Variants in LAMB3 observed in about 807,000 individuals in gnomAD.
The protein encoded by LAMB3 is laminin subunit beta 3, also known as laminin subunit beta-3.
LAMB3 carries 104 observed loss-of-function variants against 140.3 expected under a neutral mutation model. The ratio of observed to expected loss-of-function variants is 0.74; its 90% CI spans 0.63 to 0.87. LAMB3 has a LOEUF of 0.87. Among genes scored for constraint, LAMB3 ranks in the 40% least tolerant of loss-of-function variants. The pLI, the probability that LAMB3 is intolerant of heterozygous loss-of-function variation, is 0.00. For missense variants in LAMB3, 1,531 were observed against 1,575.2 expected (o/e 0.97, Z 0.47); for synonymous variants, 592 against 602.9 (o/e 0.98, Z 0.26).
chr1:209,639,624 T>TAC (rs55827014), intron 3 of LAMB3, among the ~76,000 whole-genome samples: 2 of 151,834 alleles, frequency 1.3e-5, no homozygotes, highest in African/African-American at 4.8e-5. Flanking sequence ...CATATACACA[T>TAC]ACACACACAC....
intron 18 of LAMB3, chr1:209,618,884 G>A (rs1666088605): frequency 2.0e-5 from 12 of 593,284 alleles, no homozygotes; most frequent in Non-Finnish European, 3.3e-5. Context: ...GCTGCAGCAG[G>A]GAGGAGGAGG....
Position 209,630,631 on chromosome 1 carries a change from G to A in LAMB3, c.927C>T (p.Asp309=), listed in dbSNP as rs141059189. The change falls in exon 9 of 23, where the codon GAC becomes GAT. Residue 309 remains aspartate (D), a synonymous_variant. Transcript: ENST00000356082. ...AGCTCCTACTTTGGCATTCATGGGC[G>A]TCCTGGCCCTCCGCCGGTCTCCAGG... ...NRPWRPAEGQ[D]AHECQRCDCN... 1.7e-4 allele frequency: 268 copies of A among 1,614,148 alleles called. No individual in the cohort carries two copies. Among genetic ancestry groups the A allele is most frequent in the Middle Eastern group, 1.3e-3 (8 of 6,062 alleles).
intron 3 of LAMB3, among the ~76,000 whole-genome samples, chr1:209,638,993 G>A (rs998031389): frequency 1.3e-5 from 2 of 151,638 alleles, no homozygotes; most frequent in African/African-American, 4.8e-5. Context: ...GGGGGGCGGG[G>A]GGAGAAATTC....
At position 209,633,857 on chromosome 1, in the gene LAMB3, C is replaced by A. The variant is rs114336431; in HGVS notation, c.564+590G>T. On this transcript the variant is annotated intron_variant, in intron 6 of 22. Coordinates refer to ENST00000356082, the MANE Select transcript of LAMB3 (RefSeq NM_000228.3). ...CCTCCTCTGCCAGGGGATGGGGAAACGCAGTTATGAAAGAATTTGACCCAC... is the reference window on the plus strand; with the variant it reads ...CCTCCTCTGCCAGGGGATGGGGAAAAGCAGTTATGAAAGAATTTGACCCAC... Among the ~76,000 whole-genome samples, 711 of 152,174 alleles carry A rather than the reference C, an allele frequency of 4.7e-3. 2 individuals carry two copies. Among genetic ancestry groups the A allele is most frequent in the Non-Finnish European group, 8.0e-3 (541 of 67,994 alleles).
At position 209,627,538 on chromosome 1, in the gene LAMB3, A is replaced by G. The variant is rs199952752; in HGVS notation, c.1330T>C (p.Cys444Arg). Residue 444 changes from cysteine to arginine, a missense_variant, in exon 12 of 23, where the codon TGT becomes CGT. Transcript: ENST00000356082. Reference sequence around the variant, plus strand: ...AGGCAGCGCCCACTCTCCTCGTCACACGGCATGTCCCTCCGGGACCCCAGG... The same window carrying G: ...AGGCAGCGCCCACTCTCCTCGTCACGCGGCATGTCCCTCCGGGACCCCAGG... ...NILGSRRDMP[C>R]DEESGRCLCL... 18 of 1,614,038 alleles carry G rather than the reference A, an allele frequency of 1.1e-5. No homozygotes were observed. The highest frequency in any genetic ancestry group is 1.5e-5 in the Non-Finnish European group (18 of 1,180,006).
chr1:209,618,313 C>A, intron 19 of LAMB3, 139 bp downstream of exon 19: 1 of 948,716 alleles, frequency 1.1e-6, no homozygotes, highest in Non-Finnish European at 1.6e-6. Flanking sequence ...GCACTCTGGA[C>A]TCTGTGTACC....
Position 209,634,161 on chromosome 1 carries a change from G to A in LAMB3, c.564+286C>T, listed in dbSNP as rs12137442. On this transcript the variant is annotated intron_variant, in intron 6 of 22. Transcript: ENST00000356082. Reference sequence around the variant, plus strand: ...GGGTCGATTTCATCTTCCCACTAGAGGGATGAGCCAATGAGTCACGGGGGA... The same window carrying A: ...GGGTCGATTTCATCTTCCCACTAGAAGGATGAGCCAATGAGTCACGGGGGA... 0.16 allele frequency among the ~76,000 whole-genome samples: 23,815 copies of A among 152,146 alleles called. 1,990 individuals carry two copies. Among genetic ancestry groups the A allele is most frequent in the African/African-American group, 0.2 (8,221 of 41,476 alleles).
chr1:209,646,259 A>G lies in LAMB3; in HGVS notation c.183+3705T>C, dbSNP rs145441639. Among the ~76,000 whole-genome samples the G allele has an allele frequency of 3.8e-3, 581 of 152,318 alleles. 2 individuals carry two copies. Among genetic ancestry groups the G allele is most frequent in the African/African-American group, 0.013 (542 of 41,576 alleles). ...GTCATCCCAGAGATGACCGAAGGGCATGGTGCAGCCCCTGCCTTCACACGC... is the reference window on the plus strand; with the variant it reads ...GTCATCCCAGAGATGACCGAAGGGCGTGGTGCAGCCCCTGCCTTCACACGC... On this transcript the variant is annotated intron_variant, in intron 3 of 22. Coordinates refer to ENST00000356082, the MANE Select transcript of LAMB3 (RefSeq NM_000228.3).
In LAMB3 at chr1:209,615,086, G is replaced by A; in HGVS notation, c.*185C>T. The A allele has an allele frequency of 1.6e-6, 1 of 641,472 alleles. No individual in the cohort carries two copies. The highest frequency in any genetic ancestry group is 2.8e-5 in the East Asian group (1 of 35,788). 39.7% of individuals were successfully genotyped at this position (641,472 alleles called of 1,614,324 possible). On this transcript the variant is annotated 3_prime_UTR_variant, in exon 23 of 23. Coordinates refer to ENST00000356082, the MANE Select transcript of LAMB3 (RefSeq NM_000228.3). ...CCATCTTTGTCTGTCAAGTGTAACT[G>A]TCCCATTGGCTCAGGCTCAGCTGCA... is the stretch of plus-strand genomic sequence containing the variant.
Position 209,616,531 on chromosome 1 carries a change from C to G in LAMB3, c.3322G>C (p.Val1108Leu), listed in dbSNP as rs1239917006. The stretch of plus-strand genomic sequence containing the variant: ...AACAGCTCCTCTGCCTCTGTCTTCA[C>G]ACTCTGGATCCGGGCACCCTGCTCA... ...LGEQGARIQS[V>L]KTEAEELFGE... The change falls in exon 22 of 23, where the codon GTG becomes CTG. Residue 1108 changes from valine (V) to leucine (L), a missense_variant. Transcript: ENST00000356082. The G allele has an allele frequency of 6.2e-7, 1 of 1,614,080 alleles. No homozygotes were observed. The highest frequency in any genetic ancestry group is 8.5e-7 in the Non-Finnish European group (1 of 1,180,034).
At chr1:209,644,336 G>T (rs1249312036) in intron 3 of LAMB3, among the ~76,000 whole-genome samples, 1 of 152,176 alleles carries the variant, frequency 6.6e-6, no homozygotes, top group African/African-American at 2.4e-5. Context: ...ACTCTCTGAA[G>T]CTGATTATAG....
At position 209,625,821 on chromosome 1, in the gene LAMB3, T is replaced by C. The variant is rs2102420427; in HGVS notation, c.1803A>G (p.Arg601=). 6.2e-7 allele frequency: 1 copy of C among 1,613,824 alleles called. No homozygotes were observed. The highest frequency in any genetic ancestry group is 8.5e-7 in the Non-Finnish European group (1 of 1,179,966). ...DLREQALRFG[R]LRNATASLWS... ...ACAGGCTGGCGGTGGCATTGCGGAGTCTACCAAAGCGCAGGGCCTGCTCCC... is the reference window on the plus strand; with the variant it reads ...ACAGGCTGGCGGTGGCATTGCGGAGCCTACCAAAGCGCAGGGCCTGCTCCC... Residue 601 remains arginine (R), a synonymous_variant, in exon 14 of 23, where the codon AGA becomes AGG. Transcript: ENST00000356082.
intron 3 of LAMB3, among the ~76,000 whole-genome samples, chr1:209,648,619 C>T (rs2076537876): frequency 6.6e-6 from 1 of 152,106 alleles, no homozygotes; most frequent in Non-Finnish European, 1.5e-5. Context: ...GAGGGCAGGC[C>T]AGTGTTAAGC....
chr1:209,634,602 A>T lies in LAMB3; in HGVS notation c.409T>A (p.Ser137Thr), dbSNP rs780249357. ...ACTCGCCAGGTCTTACCGAAGTCTG[A>T]GGAGCGCTCAATCAGCATGCCGGCG... ...MPAGMLIERSSDFGKTWRVYQ... is the reference protein window; with the variant it reads ...MPAGMLIERSTDFGKTWRVYQ... Residue 137 changes from serine to threonine, a missense_variant, in exon 6 of 23, where the codon TCA becomes ACA. By Grantham distance (58) the Ser-to-Thr change is moderately conservative (BLOSUM62 1). Coordinates refer to ENST00000356082, the MANE Select transcript of LAMB3 (RefSeq NM_000228.3). 9 of 1,614,014 alleles carry T rather than the reference A, an allele frequency of 5.6e-6. No homozygotes were observed. In the Admixed American group the frequency reaches 1.5e-4, roughly 27 times the overall value.
rs1301959165 is a variant in LAMB3 at position 209,627,034 on chromosome 1, GGT to G, written c.1486-58_1486-57del. ...TGCCTCACAGCCTCTGCCTTACCCT[GGT>G]GTCAGGGACTGTGTCCTAGATTCCT... On this transcript the variant is annotated intron_variant, in intron 12 of 22. Transcript: ENST00000356082. The G allele has an allele frequency of 1.8e-5, 23 of 1,270,204 alleles. No individual in the cohort carries two copies. The Admixed American group carries it at 4.3e-4, about 24-fold the overall frequency. The allele number at this position is 1,270,204 out of a possible 1,614,324, so 78.7% of individuals were successfully genotyped here. A position where few individuals can be genotyped will look rare whatever the true frequency, so the allele number is the denominator to read the frequency against.
At position 209,623,754 on chromosome 1, in the gene LAMB3, T is replaced by C. The variant is rs374000444; in HGVS notation, c.2138-29A>G. The C allele has an allele frequency of 1.2e-6, 2 of 1,613,676 alleles. No individual in the cohort carries two copies. The highest frequency in any genetic ancestry group is 1.3e-5 in the African/African-American group (1 of 75,034). ...TGGCGAGAAGCATGAGGAATGGAGA[T>C]GGAGGAGGAGCAGGAGGGAGAGGGG... On this transcript the variant is annotated intron_variant, in intron 15 of 22. Coordinates refer to ENST00000356082, the MANE Select transcript of LAMB3 (RefSeq NM_000228.3). The surrounding 1 kb of genome is among the most constrained non-coding windows in gnomAD (Gnocchi z 4.2).
At chr1:209,641,554 T>C (rs1221152142) in intron 3 of LAMB3, among the ~76,000 whole-genome samples, 1 of 152,118 alleles carries the variant, frequency 6.6e-6, no homozygotes, top group Non-Finnish European at 1.5e-5. Context: ...GGCAAAGATG[T>C]AGGGAAGTAT....
At chr1:209,638,989 CG>C (rs2076436670) in intron 3 of LAMB3, among the ~76,000 whole-genome samples, 1 of 135,856 alleles carries the variant, frequency 7.4e-6, no homozygotes, top group South Asian at 2.3e-4. Context: ...AAAAGGGGGG[CG>C]GGGGGAGAAA....
intron 3 of LAMB3, among the ~76,000 whole-genome samples, chr1:209,649,223 C>T (rs923333835): frequency 2.0e-4 from 30 of 152,286 alleles, no homozygotes; most frequent in South Asian, 1.2e-3. Flanking sequence ...TACAGCAACT[C>T]GGGACAAATC....
Sources: allele counts gnomAD v4.1 joint callset (sites outside exome capture counted in the v4.1 genomes callset), GRCh38; gene constraint gnomAD v4.1.1; non-coding constraint Gnocchi (gnomAD v3.1); transcripts MANE v1.5; gene names NCBI Gene and HGNC (gene_info 2026-07-23, HGNC 2026-07-21).